The following ABL2 variants were observed in gnomAD, a reference collection of about 807,000 sequenced individuals.
The protein encoded by ABL2 is ABL proto-oncogene 2, non-receptor tyrosine kinase.
In ABL2, 49 loss-of-function variants were observed where a neutral mutation model predicts 107.7. That is an observed-to-expected ratio of 0.45 (90% CI 0.36 to 0.58). The LOEUF (loss-of-function observed/expected upper bound fraction) is 0.58, where lower values mean the gene tolerates loss of function less well. ABL2 is among the 20% of genes least tolerant of loss of function. The pLI, the probability that ABL2 is intolerant of heterozygous loss-of-function variation, is 0.00. For synonymous variants in ABL2, 549 were observed against 548.6 expected, an observed-to-expected ratio of 1.00 and a Z score of -0.01; for missense variants, 1,245 against 1,457.0, an observed-to-expected ratio of 0.85 and a Z score of 2.37.
chr1:179,142,176 C>G (rs1446396360), intron 1 of ABL2, among the ~76,000 whole-genome samples: 1 of 152,138 alleles, frequency 6.6e-6, no homozygotes, highest in Non-Finnish European at 1.5e-5. Context: ...TTATTCACTG[C>G]TATAGAGGTA....
intron 1 of ABL2, among the ~76,000 whole-genome samples, chr1:179,192,091 C>A (rs373902464): frequency 6.6e-6 from 1 of 152,108 alleles, no homozygotes; most frequent in Admixed American, 6.5e-5. Context: ...AATATTTGAA[C>A]CAATCATATT....
chr1:179,136,964 G>GAA (rs113330918), intron 1 of ABL2, among the ~76,000 whole-genome samples: 53 of 148,290 alleles, frequency 3.6e-4, no homozygotes, highest in African/African-American at 1.2e-3. Flanking sequence ...TATACACACA[G>GAA]AAATTCCTGT....
At chr1:179,180,333 GT>G (rs67391044) in intron 1 of ABL2, among the ~76,000 whole-genome samples, 2,267 of 152,222 alleles carry the variant, frequency 0.015, 70 homozygotes, top group African/African-American at 0.051. Flanking sequence ...ATAAAAGCTG[GT>G]AAGCAAGGAA....
intron 1 of ABL2, among the ~76,000 whole-genome samples, chr1:179,158,618 T>C (rs1349684728): frequency 2.0e-5 from 3 of 152,122 alleles, no homozygotes; most frequent in Non-Finnish European, 4.4e-5. Flanking sequence ...TCCTTTTCCA[T>C]GATGAGGGAG....
intron 2 of ABL2, among the ~76,000 whole-genome samples, chr1:179,133,007 C>T (rs572525818): frequency 3.3e-5 from 5 of 151,906 alleles, no homozygotes; most frequent in Non-Finnish European, 5.9e-5. Context: ...TACAGGTGCA[C>T]GCCACCAAGC....
At chr1:179,134,924 G>T (rs1408559656) in intron 1 of ABL2, among the ~76,000 whole-genome samples, 1 of 152,224 alleles carries the variant, frequency 6.6e-6, no homozygotes, top group African/African-American at 2.4e-5. Context: ...TGGAGACGGG[G>T]TTTCGCTGTG....
At chr1:179,115,828 T>C (rs1654563544) in intron 8 of ABL2, among the ~76,000 whole-genome samples, 1 of 152,216 alleles carries the variant, frequency 6.6e-6, no homozygotes, top group Non-Finnish European at 1.5e-5. Context: ...GAAAAAAATT[T>C]GTTTGATTTT....
At chr1:179,180,107 G>C (rs569823018) in intron 1 of ABL2, among the ~76,000 whole-genome samples, 10 of 151,110 alleles carry the variant, frequency 6.6e-5, no homozygotes, top group African/African-American at 2.2e-4. Context: ...GTGACAGAGT[G>C]AGACCCTGTC....
chr1:179,220,833 C>T (rs1187535246), intron 1 of ABL2: 15 of 158,580 alleles, frequency 9.5e-5, no homozygotes. Flanking sequence ...AGCTTCTGAG[C>T]TGCTGTGGAT....
chr1:179,130,729 TG>T (rs1656226172), intron 3 of ABL2, among the ~76,000 whole-genome samples: 5 of 99,400 alleles, frequency 5.0e-5, no homozygotes, highest in African/African-American at 2.5e-4. Context: ...ATTGATTTTG[TG>T]TGTGTGTGTG....
At chr1:179,150,618 T>C (rs565061229) in intron 1 of ABL2, among the ~76,000 whole-genome samples, 1 of 152,358 alleles carries the variant, frequency 6.6e-6, no homozygotes, top group East Asian at 1.9e-4. Context: ...AGATGGAATC[T>C]ATTCCTGGTA....
Position 179,109,224 on chromosome 1 carries a change from C to G in ABL2, c.2043G>C (p.Lys681Asn), listed in dbSNP as rs953760278. 3 of 1,614,086 alleles carry G rather than the reference C, an allele frequency of 1.9e-6. No individual in the cohort carries two copies. The African/African-American group carries it at 4.0e-5, about 22-fold the overall frequency. Residue 681 changes from lysine (K) to asparagine (N), a missense_variant, in exon 12 of 12, where the codon AAG (lysine) becomes AAC (asparagine). This residue lies in a region of ABL2 where 761 missense variants were observed against 766.4 expected (regional missense o/e 0.99). Transcript: ENST00000502732. ...AGAAGTTACCCGTGAGTTCGTATTTCTTATGGGGCTGATTCTCCATTTCTC... is the reference window on the plus strand; with the variant it reads ...AGAAGTTACCCGTGAGTTCGTATTTGTTATGGGGCTGATTCTCCATTTCTC... ...SFREMENQPH[K>N]KYELTGNFSS...
chr1:179,146,793 G>A (rs1658011722), intron 1 of ABL2, among the ~76,000 whole-genome samples: 1 of 152,178 alleles, frequency 6.6e-6, no homozygotes, highest in Non-Finnish European at 1.5e-5. Context: ...CTTCTGCCAT[G>A]AGGAAAAAGG....
At chr1:179,143,388 G>A (rs1219016116) in intron 1 of ABL2, among the ~76,000 whole-genome samples, 1 of 152,106 alleles carries the variant, frequency 6.6e-6, no homozygotes, top group Non-Finnish European at 1.5e-5. Context: ...TATTTTATAG[G>A]GAGATGATGA....
intron 1 of ABL2, among the ~76,000 whole-genome samples, chr1:179,217,495 A>G (rs1662630957): frequency 6.6e-6 from 1 of 151,730 alleles, no homozygotes; most frequent in South Asian, 2.1e-4. Flanking sequence ...GTGTGATGGC[A>G]TGCACCTGTG....
intron 1 of ABL2, among the ~76,000 whole-genome samples, chr1:179,156,333 T>G (rs573656939): frequency 1.4e-4 from 21 of 152,290 alleles, no homozygotes; most frequent in South Asian, 1.2e-3. Context: ...CCCAAAGCAA[T>G]AGAATTCTGA....
At chr1:179,212,955 AGAATCGCTT>A (rs1662360028) in intron 1 of ABL2, among the ~76,000 whole-genome samples, 1 of 151,086 alleles carries the variant, frequency 6.6e-6, no homozygotes, top group Non-Finnish European at 1.5e-5. Context: ...CTGAGGCAGG[AGAATCGCTT>A]GAACCTGGGA....
At chr1:179,181,910 A>G (rs1660396324) in intron 1 of ABL2, among the ~76,000 whole-genome samples, 1 of 148,008 alleles carries the variant, frequency 6.8e-6, no homozygotes, top group East Asian at 2.0e-4. Context: ...CCTCCTGAGT[A>G]GCCGGGACTA....
intron 1 of ABL2, among the ~76,000 whole-genome samples, chr1:179,209,081 T>C (rs1433181278): frequency 6.6e-6 from 1 of 152,182 alleles, no homozygotes; most frequent in Non-Finnish European, 1.5e-5. Flanking sequence ...CACCTTGGCA[T>C]TTGAGGAAAC....
Sources: allele counts gnomAD v4.1 joint callset (sites outside exome capture counted in the v4.1 genomes callset), GRCh38; gene constraint gnomAD v4.1.1; regional missense constraint gnomAD v4.1.1; transcripts MANE v1.5; gene names NCBI Gene and HGNC (gene_info 2026-07-23, HGNC 2026-07-21).